TENT5A: variants seen among roughly 807,000 people sequenced by gnomAD.
TENT5A encodes the protein HBV X-transactivated gene 11 protein.
Under a neutral mutation model 30.2 loss-of-function variants are expected in TENT5A, and 9 were observed. That is an observed-to-expected ratio of 0.30 (90% CI 0.18 to 0.52). The LOEUF (loss-of-function observed/expected upper bound fraction) is 0.52. TENT5A is among the 20% of genes least tolerant of loss of function. The pLI is 0.97. For synonymous variants in TENT5A, 264 were observed against 234.2 expected (o/e 1.13, Z -1.16); for missense variants, 411 against 566.1 (o/e 0.73, Z 2.78).
rs1192535438 is a variant in TENT5A, at chr6:81,750,702, T to C, written c.553-231A>G. ...GGACTAGAGGTAATAGTTTGAGGCT[T>C]TTGGCAGACGTAGCACAGTAGTAAG... On this transcript the variant is annotated intron_variant, in intron 2 of 2. Transcript: ENST00000320172. This position sits in a 1 kb window ranked among gnomAD's most constrained non-coding sequence, Gnocchi z 4.2. Among the ~76,000 whole-genome samples the C allele has an allele frequency of 6.6e-6, 1 of 152,222 alleles. No homozygotes were observed. Among genetic ancestry groups the C allele is most frequent in the African/African-American group, 2.4e-5 (1 of 41,460 alleles).
chr6:81,749,597 C>T lies in TENT5A; in HGVS notation c.*98G>A, dbSNP rs1009721003. On this transcript the variant is annotated 3_prime_UTR_variant, in exon 3 of 3. Coordinates refer to ENST00000320172, the MANE Select transcript of TENT5A (RefSeq NM_017633.3). Reference sequence around the variant, plus strand: ...TATCATCATTGCACAAAACACATCCCTAATAAGGGCTGGATCACTCTTTTT... The same window carrying T: ...TATCATCATTGCACAAAACACATCCTTAATAAGGGCTGGATCACTCTTTTT... The T allele has an allele frequency of 9.4e-6, 14 of 1,487,058 alleles. No homozygotes were observed. Among genetic ancestry groups the T allele is most frequent in the Admixed American group, 7.4e-5 (3 of 40,802 alleles). The allele number at this position is 1,487,058 out of a possible 1,614,324, so 92.1% of individuals were successfully genotyped here. A position where few individuals can be genotyped will look rare whatever the true frequency, so the allele number is the denominator to read the frequency against.
chr6:81,750,817 C>A lies in TENT5A; in HGVS notation c.553-346G>T, dbSNP rs1019879319. 6.6e-6 allele frequency among the ~76,000 whole-genome samples: 1 copy of A among 152,318 alleles called. No individual in the cohort carries two copies. Among genetic ancestry groups the A allele is most frequent in the East Asian group, 1.9e-4 (1 of 5,182 alleles). On this transcript the variant is annotated intron_variant, in intron 2 of 2. Transcript: ENST00000320172. This position sits in a 1 kb window ranked among gnomAD's most constrained non-coding sequence, Gnocchi z 4.2. ...ATTCACACAGTATCCAAACAACATT[C>A]AAAAGACTCGGAAGGGCATTCAGCG...
rs1329405905 is a variant in TENT5A, at chr6:81,752,582, C to A, written c.-189G>T. The A allele has an allele frequency of 1.1e-5, 9 of 839,432 alleles. No individual in the cohort carries two copies. The highest frequency in any genetic ancestry group is 1.8e-5 in the Non-Finnish European group (9 of 497,436). 52.0% of individuals were successfully genotyped at this position (839,432 alleles called of 1,614,324 possible). A position where few individuals can be genotyped will look rare whatever the true frequency, so the allele number is the denominator to read the frequency against. ...GCCTGCGCTCACCACTCCCTCCCCGCGACCCCTCCTGCGCCGCTGCCACCC... is the reference window on the plus strand; with the variant it reads ...GCCTGCGCTCACCACTCCCTCCCCGAGACCCCTCCTGCGCCGCTGCCACCC... On this transcript the variant is annotated 5_prime_UTR_variant, in exon 1 of 3. Coordinates refer to ENST00000320172, the MANE Select transcript of TENT5A (RefSeq NM_017633.3).
intron 1 of TENT5A, 93 bp downstream of exon 1, chr6:81,752,338 C>A: frequency 6.5e-7 from 1 of 1,548,672 alleles, no homozygotes. Context: ...CCTTACAGTC[C>A]CCAGCCGCGC....
rs1320033300 is a variant in TENT5A, at chr6:81,749,213, C to T, written c.*482G>A. 4 of 986,304 alleles carry T rather than the reference C, an allele frequency of 4.1e-6. No homozygotes were observed. In the East Asian group the frequency reaches 3.4e-4, roughly 84 times the overall value. The allele number at this position is 986,304 out of a possible 1,614,324, so 61.1% of individuals were successfully genotyped here. A position where few individuals can be genotyped will look rare whatever the true frequency, so the allele number is the denominator to read the frequency against. On this transcript the variant is annotated 3_prime_UTR_variant, in exon 3 of 3. Coordinates refer to ENST00000320172, the MANE Select transcript of TENT5A (RefSeq NM_017633.3). ...CAGTAATCCCAACGTTGGAGTTCCC[C>T]TTTTTCCTGTATTGTTACTATTAAT...
Position 81,748,324 on chromosome 6 carries a change from T to C in TENT5A, c.*1371A>G. On this transcript the variant is annotated 3_prime_UTR_variant, in exon 3 of 3. Transcript: ENST00000320172. ...CAACTGTCAAAATGGCAGTTCAATA[T>C]AAAAAAGAGTGCTCTGCCAAACAAA... 4.1e-6 allele frequency: 4 copies of C among 971,488 alleles called. No individual in the cohort carries two copies. Among genetic ancestry groups the C allele is most frequent in the Non-Finnish European group, 4.8e-6 (4 of 825,618 alleles). The allele number at this position is 971,488 out of a possible 1,614,324, so 60.2% of individuals were successfully genotyped here.
rs952117888 is a variant in TENT5A at position 81,749,643 on chromosome 6, C to G, written c.*52G>C. The G allele has an allele frequency of 1.7e-5, 17 of 1,026,584 alleles. No homozygotes were observed. In the African/African-American group the frequency reaches 2.8e-4, roughly 17 times the overall value. The allele number at this position is 1,026,584 out of a possible 1,614,324, so 63.6% of individuals were successfully genotyped here. ...TTTTTTTTTTCTTTTTTTTTTTTTT[C>G]TCTCCTGTCTTGTCTGAAATGGCTT... On this transcript the variant is annotated 3_prime_UTR_variant, in exon 3 of 3. Transcript: ENST00000320172.
chr6:81,749,243 G>A lies in TENT5A; in HGVS notation c.*452C>T, dbSNP rs1356698850. 1.0e-6 allele frequency: 1 copy of A among 987,720 alleles called. No homozygotes were observed. The highest frequency in any genetic ancestry group is 1.2e-6 in the Non-Finnish European group (1 of 831,460). The allele number at this position is 987,720 out of a possible 1,614,324, so 61.2% of individuals were successfully genotyped here. Reference sequence around the variant, plus strand: ...TCCTGTATTGTTACTATTAATATCTGAACTCCTAAACTGATTCACAAGTTG... The same window carrying A: ...TCCTGTATTGTTACTATTAATATCTAAACTCCTAAACTGATTCACAAGTTG... On this transcript the variant is annotated 3_prime_UTR_variant, in exon 3 of 3. Coordinates refer to ENST00000320172, the MANE Select transcript of TENT5A (RefSeq NM_017633.3).
rs147598471 is a variant in TENT5A at position 81,751,821 on chromosome 6, G to A, written c.321C>T (p.Arg107=). 36 of 1,612,582 alleles carry A rather than the reference G, an allele frequency of 2.2e-5. No homozygotes were observed. The highest frequency in any genetic ancestry group is 2.6e-5 in the Non-Finnish European group (31 of 1,179,848). ...PSLIVKVVRR[R]LAEKRIGVRD... ...GGACGCCAATGCGCTTCTCGGCCAG[G>A]CGCCGCCGCACCACCTTCACGATCA... Residue 107 remains arginine (R), a synonymous_variant, in exon 2 of 3, where the codon CGC becomes CGT. Transcript: ENST00000320172.
rs1034600432 is a variant in TENT5A, at chr6:81,747,172, AAG to A, written c.*2521_*2522del. ...TAAAATAGTAGACGACTCATTTGTCAAGAGTTAGGGTAAGAAAGCAGATCACC... is the reference window on the plus strand; with the variant it reads ...TAAAATAGTAGACGACTCATTTGTCAAGTTAGGGTAAGAAAGCAGATCACC... On this transcript the variant is annotated 3_prime_UTR_variant, in exon 3 of 3. Transcript: ENST00000320172. 15 of 985,316 alleles carry A rather than the reference AAG, an allele frequency of 1.5e-5. No homozygotes were observed. In the African/African-American group the frequency reaches 1.9e-4, roughly 13 times the overall value. 61.0% of individuals were successfully genotyped at this position (985,316 alleles called of 1,614,324 possible). A position where few individuals can be genotyped will look rare whatever the true frequency, so the allele number is the denominator to read the frequency against.
chr6:81,751,920 C>G lies in TENT5A; in HGVS notation c.222G>C (p.Leu74=), dbSNP rs1376142460. ...GAATGGTCTCGCTCAGGATGCCGTC[C>G]AGCCGCTGCACTTGCTCCCAGTTCA... is the stretch of plus-strand genomic sequence containing the variant. ...NVLNWEQVQR[L]DGILSETIPI... is the part of the protein sequence containing the mutation. The change falls in exon 2 of 3, where the codon CTG becomes CTC. Residue 74 remains leucine (L), a synonymous_variant. Transcript: ENST00000320172. The G allele has an allele frequency of 6.2e-7, 1 of 1,613,048 alleles. No homozygotes were observed. Among genetic ancestry groups the G allele is most frequent in the Non-Finnish European group, 8.5e-7 (1 of 1,179,848 alleles).
At position 81,746,226 on chromosome 6, in the gene TENT5A, A is replaced by G. The variant is rs1011593169; in HGVS notation, c.*3469T>C. On this transcript the variant is annotated 3_prime_UTR_variant, in exon 3 of 3. Transcript: ENST00000320172. ...TTGGCTTTTTGGTTTCACCTAACAC[A>G]CTTCATCTTCAACAACAACAAAAAA... 3.6e-6 allele frequency: 4 copies of G among 1,124,356 alleles called. No individual in the cohort carries two copies. Among genetic ancestry groups the G allele is most frequent in the African/African-American group, 3.2e-5 (2 of 62,090 alleles). The allele number at this position is 1,124,356 out of a possible 1,614,324, so 69.6% of individuals were successfully genotyped here. A position where few individuals can be genotyped will look rare whatever the true frequency, so the allele number is the denominator to read the frequency against.
At position 81,752,005 on chromosome 6, in the gene TENT5A, CCGCCACCGCCGAAGT is replaced by C. The variant is rs750165581; in HGVS notation, c.122_136del (p.Asp41_Gly45del). The C allele has an allele frequency of 8.9e-6, 11 of 1,232,064 alleles. No homozygotes were observed. The highest frequency in any genetic ancestry group is 5.2e-5 in the African/African-American group (2 of 38,420). 76.3% of individuals were successfully genotyped at this position (1,232,064 alleles called of 1,614,324 possible). On this transcript the variant is annotated inframe_deletion, in exon 2 of 3. Coordinates refer to ENST00000320172, the MANE Select transcript of TENT5A (RefSeq NM_017633.3). Reference sequence around the variant, plus strand: ...GTCCAAGCAATGCCCACCGAAGCTGCCGCCACCGCCGAAGTCGCCGCCGCCGAAGTCGCCGCCGCC... The same window carrying C: ...GTCCAAGCAATGCCCACCGAAGCTGCCGCCGCCGCCGAAGTCGCCGCCGCC...
In TENT5A at chr6:81,746,427, G is replaced by T. The variant is rs1322223040; in HGVS notation, c.*3268C>A. 7.3e-6 allele frequency: 9 copies of T among 1,231,144 alleles called. No individual in the cohort carries two copies. Among genetic ancestry groups the T allele is most frequent in the Non-Finnish European group, 9.1e-6 (9 of 987,482 alleles). 76.3% of individuals were successfully genotyped at this position (1,231,144 alleles called of 1,614,324 possible). On this transcript the variant is annotated 3_prime_UTR_variant, in exon 3 of 3. Transcript: ENST00000320172. ...ACGTTCACTTTTCATTTCCTTCCTTGGTTTGGATTACACATATTCTTCCAT... is the reference window on the plus strand; with the variant it reads ...ACGTTCACTTTTCATTTCCTTCCTTTGTTTGGATTACACATATTCTTCCAT...
At position 81,748,611 on chromosome 6, in the gene TENT5A, G is replaced by T. The variant is rs745511562; in HGVS notation, c.*1084C>A. ...TATTCTAGATCATAGTCAATCTACT[G>T]TGTATATATACATATAAAATGTATA... On this transcript the variant is annotated 3_prime_UTR_variant, in exon 3 of 3. Coordinates refer to ENST00000320172, the MANE Select transcript of TENT5A (RefSeq NM_017633.3). 5.7e-5 allele frequency: 54 copies of T among 941,440 alleles called. No individual in the cohort carries two copies. The highest frequency in any genetic ancestry group is 6.5e-5 in the Non-Finnish European group (51 of 790,464). The allele number at this position is 941,440 out of a possible 1,614,324, so 58.3% of individuals were successfully genotyped here.
In TENT5A at chr6:81,749,877, T is replaced by C; in HGVS notation, c.1147A>G (p.Met383Val). 1 of 1,614,140 alleles carries C rather than the reference T, an allele frequency of 6.2e-7. No homozygotes were observed. ...ERRQTLNLIT[M>V]LAIRVLADQN... is the part of the protein sequence containing the mutation. Reference sequence around the variant, plus strand: ...TCAGCTAACACCCGGATAGCCAGCATGGTGATAAGGTTTAAAGTCTGTCTT... The same window carrying C: ...TCAGCTAACACCCGGATAGCCAGCACGGTGATAAGGTTTAAAGTCTGTCTT... Residue 383 changes from methionine (M) to valine (V), a missense_variant, in exon 3 of 3, where the codon ATG becomes GTG. Transcript: ENST00000320172.
In TENT5A at chr6:81,751,675, G is replaced by A. The variant is rs189896312; in HGVS notation, c.467C>T (p.Thr156Ile). Reference protein sequence around the residue: ...ADLRGEGEFQTVKDVVLDCLL... With the variant: ...ADLRGEGEFQIVKDVVLDCLL... ...GCAGTCCAGCACGACGTCCTTCACAGTCTGAAACTCCCCTTCCCCGCGCAG... is the reference window on the plus strand; with the variant it reads ...GCAGTCCAGCACGACGTCCTTCACAATCTGAAACTCCCCTTCCCCGCGCAG... Residue 156 changes from threonine (T) to isoleucine (I), a missense_variant, in exon 2 of 3, where the codon ACT becomes ATT. Physicochemically the swap from Thr to Ile is moderately conservative, Grantham distance 89. Coordinates refer to ENST00000320172, the MANE Select transcript of TENT5A (RefSeq NM_017633.3). 3 of 1,614,166 alleles carry A rather than the reference G, an allele frequency of 1.9e-6. No individual in the cohort carries two copies. The highest frequency in any genetic ancestry group is 2.5e-6 in the Non-Finnish European group (3 of 1,180,046).
At position 81,748,899 on chromosome 6, in the gene TENT5A, C is replaced by T; in HGVS notation, c.*796G>A. ...CACTTTGATGTATATTGGTGTGTAACAAATATAATCTCTCTTCATATAGTC... is the reference window on the plus strand; with the variant it reads ...CACTTTGATGTATATTGGTGTGTAATAAATATAATCTCTCTTCATATAGTC... On this transcript the variant is annotated 3_prime_UTR_variant, in exon 3 of 3. Transcript: ENST00000320172. 1 of 985,302 alleles carries T rather than the reference C, an allele frequency of 1.0e-6. No homozygotes were observed. The highest frequency in any genetic ancestry group is 1.2e-6 in the Non-Finnish European group (1 of 829,500). The allele number at this position is 985,302 out of a possible 1,614,324, so 61.0% of individuals were successfully genotyped here. A position where few individuals can be genotyped will look rare whatever the true frequency, so the allele number is the denominator to read the frequency against.
At position 81,745,834 on chromosome 6, in the gene TENT5A, G is replaced by T; in HGVS notation, c.*3861C>A. 1.0e-6 allele frequency: 1 copy of T among 985,858 alleles called. No individual in the cohort carries two copies. Among genetic ancestry groups the T allele is most frequent in the East Asian group, 1.1e-4 (1 of 8,814 alleles). 61.1% of individuals were successfully genotyped at this position (985,858 alleles called of 1,614,324 possible). On this transcript the variant is annotated 3_prime_UTR_variant, in exon 3 of 3. Coordinates refer to ENST00000320172, the MANE Select transcript of TENT5A (RefSeq NM_017633.3). Reference sequence around the variant, plus strand: ...CTCTAGCACTGATTCAAACATGTCAGTTTTTTAGTCCATTTTCCATCAACT... The same window carrying T: ...CTCTAGCACTGATTCAAACATGTCATTTTTTTAGTCCATTTTCCATCAACT...
Sources: allele counts gnomAD v4.1 joint callset (sites outside exome capture counted in the v4.1 genomes callset), GRCh38; gene constraint gnomAD v4.1.1; non-coding constraint Gnocchi (gnomAD v3.1); transcripts MANE v1.5; gene names NCBI Gene and HGNC (gene_info 2026-07-23, HGNC 2026-07-21).